RASSF2: variants seen among roughly 807,000 people sequenced by gnomAD.
RASSF2 encodes ras association domain-containing protein 2.
In RASSF2, 34 loss-of-function variants were observed where a neutral mutation model predicts 46.3. The ratio of observed to expected loss-of-function variants is 0.73; its 90% CI spans 0.56 to 0.98. RASSF2 has a LOEUF of 0.98. Among genes scored for constraint, RASSF2 ranks in the 50% least tolerant of loss-of-function variants. The pLI is 0.00. For synonymous variants in RASSF2, 158 were observed against 162.5 expected, an observed-to-expected ratio of 0.97 and a Z score of 0.21; for missense variants, 364 against 431.2, an observed-to-expected ratio of 0.84 and a Z score of 1.38.
intron 2 of RASSF2, among the ~76,000 whole-genome samples, chr20:4,810,926 C>A (rs1460285734): frequency 6.6e-6 from 1 of 152,140 alleles, no homozygotes; most frequent in Non-Finnish European, 1.5e-5. Context: ...CTTGCCAAAG[C>A]CTGGACTGAA....
chr20:4,808,909 A>G (rs142462697), intron 2 of RASSF2, among the ~76,000 whole-genome samples: 1 of 152,352 alleles, frequency 6.6e-6, no homozygotes, highest in African/African-American at 2.4e-5. Flanking sequence ...TAGAAAAAAC[A>G]CTTTAGAAAA....
At chr20:4,817,815 G>GT (rs1328184759) in intron 2 of RASSF2, among the ~76,000 whole-genome samples, 1 of 152,190 alleles carries the variant, frequency 6.6e-6, no homozygotes, top group Non-Finnish European at 1.5e-5. Context: ...CACAGGAAAG[G>GT]TTTTTTGTCA....
intron 1 of RASSF2, among the ~76,000 whole-genome samples, chr20:4,822,796 G>T (rs1342736784): frequency 1.3e-5 from 2 of 152,108 alleles, no homozygotes; most frequent in Admixed American, 1.3e-4. Flanking sequence ...GCCTCCCCGC[G>T]CCGGGGACTG....
intron 2 of RASSF2, among the ~76,000 whole-genome samples, chr20:4,807,512 T>C (rs1927434719): frequency 6.6e-6 from 1 of 152,222 alleles, no homozygotes; most frequent in Admixed American, 6.5e-5. Context: ...CAGTAGTTCA[T>C]GGAAAACTCA....
chr20:4,786,402 T>A, intron 10 of RASSF2, 74 bp from the exon 11 acceptor site: 1 of 1,255,262 alleles, frequency 8.0e-7, no homozygotes, highest in Non-Finnish European at 1.2e-6. Context: ...GTTGTCCTTA[T>A]ACAAGGCACA....
intron 2 of RASSF2, among the ~76,000 whole-genome samples, chr20:4,804,822 G>A (rs1331796021): frequency 1.3e-5 from 2 of 152,184 alleles, no homozygotes; most frequent in African/African-American, 4.8e-5. Context: ...ACATGGTGCA[G>A]GAGGAGGGGG....
chr20:4,809,804 C>G (rs1348519360), intron 2 of RASSF2, among the ~76,000 whole-genome samples: 1 of 152,130 alleles, frequency 6.6e-6, no homozygotes, highest in Non-Finnish European at 1.5e-5. Flanking sequence ...GTGCGTTCAG[C>G]TGGAGCCCAG....
In RASSF2 at chr20:4,786,250, C is replaced by T. The variant is rs1475425824; in HGVS notation, c.892G>A (p.Val298Ile). ...ACTTACTTGCGCATCAGCTTCTTTA[C>T]TTCCCGATCTTCTTCCTCCTGGAGC... ...QKLQEEEDRE[V>I]KKLMRKYTVL... The change falls in exon 11 of 12, where the codon GTA becomes ATA. Residue 298 changes from valine (V) to isoleucine (I), a missense_variant. Transcript: ENST00000379400. 6.2e-7 allele frequency: 1 copy of T among 1,612,632 alleles called. No individual in the cohort carries two copies. The highest frequency in any genetic ancestry group is 1.1e-5 in the South Asian group (1 of 91,058).
chr20:4,786,480 C>G (rs1171380842), intron 10 of RASSF2, 152 bp from the exon 11 acceptor site: 7 of 752,054 alleles, frequency 9.3e-6, no homozygotes, highest in Non-Finnish European at 1.6e-5. Context: ...AAGCCTCATT[C>G]CTCACCAGGG....
rs1340274434 is a variant in RASSF2 at position 4,790,762 on chromosome 20, C to T, written c.377-151G>A. 8 of 588,940 alleles carry T rather than the reference C, an allele frequency of 1.4e-5. No individual in the cohort carries two copies. The highest frequency in any genetic ancestry group is 1.8e-5 in the Non-Finnish European group (7 of 385,562). 36.5% of individuals were successfully genotyped at this position (588,940 alleles called of 1,614,324 possible). On this transcript the variant is annotated intron_variant, in intron 6 of 11. Transcript: ENST00000379400. This position sits in a 1 kb window ranked among gnomAD's most constrained non-coding sequence, Gnocchi z 4.3. ...TTTCTGCTGGGGGAAAAACATAATG[C>T]AGAATTTACAGAGAACCTATACAAG...
intron 2 of RASSF2, among the ~76,000 whole-genome samples, chr20:4,818,136 A>G (rs890597388): frequency 6.6e-6 from 1 of 152,064 alleles, no homozygotes; most frequent in African/African-American, 2.4e-5. Flanking sequence ...GCATGGTGGC[A>G]TGCACCTGTA....
intron 5 of RASSF2, 58 bp from the exon 6 acceptor site, chr20:4,792,685 C>T (rs1459190670): frequency 1.8e-4 from 279 of 1,574,128 alleles, no homozygotes; most frequent in Non-Finnish European, 2.2e-4. Flanking sequence ...TGTGGAGAGA[C>T]GCCCCCGCAC....
At chr20:4,807,539 A>C (rs1231490373) in intron 2 of RASSF2, among the ~76,000 whole-genome samples, 1 of 152,194 alleles carries the variant, frequency 6.6e-6, no homozygotes, top group Non-Finnish European at 1.5e-5. Flanking sequence ...GTAATTAATA[A>C]ATCCATGAAA....
rs193183611 is a variant in RASSF2, at chr20:4,780,637, C to G, written c.*3636G>C. ...CTCATTCTTCACGTCATGGTTTGGC[C>G]GCTGTAAGACACTGAAATTGCCTTG... On this transcript the variant is annotated 3_prime_UTR_variant, in exon 12 of 12. Coordinates refer to ENST00000379400, the MANE Select transcript of RASSF2 (RefSeq NM_014737.3). 2 of 152,152 alleles carry G rather than the reference C, an allele frequency of 1.3e-5. No individual in the cohort carries two copies. Among genetic ancestry groups the G allele is most frequent in the Non-Finnish European group, 2.9e-5 (2 of 68,050 alleles). The allele number at this position is 152,152 out of a possible 1,614,324, so 9.4% of individuals were successfully genotyped here. A position where few individuals can be genotyped will look rare whatever the true frequency, so the allele number is the denominator to read the frequency against.
chr20:4,784,123 A>G lies in RASSF2; in HGVS notation c.*150T>C, dbSNP rs1925071422. ...GATAGGGAGCTGTCTGCTGACTTCTACATCCAGCTCCAGGTAGCAAATGAT... is the reference window on the plus strand; with the variant it reads ...GATAGGGAGCTGTCTGCTGACTTCTGCATCCAGCTCCAGGTAGCAAATGAT... On this transcript the variant is annotated 3_prime_UTR_variant, in exon 12 of 12. Transcript: ENST00000379400. The G allele has an allele frequency of 4.1e-6, 3 of 738,498 alleles. No homozygotes were observed. The East Asian group carries it at 7.8e-5, about 19-fold the overall frequency. The allele number at this position is 738,498 out of a possible 1,614,324, so 45.7% of individuals were successfully genotyped here.
intron 3 of RASSF2, among the ~76,000 whole-genome samples, chr20:4,800,441 C>T (rs1182190097): frequency 2.6e-5 from 4 of 152,150 alleles, no homozygotes; most frequent in Admixed American, 1.3e-4. Context: ...GGAAGTCCAA[C>T]GTCAGGGTAG....
chr20:4,807,681 G>A (rs780352363), intron 2 of RASSF2, among the ~76,000 whole-genome samples: 3 of 152,190 alleles, frequency 2.0e-5, no homozygotes, highest in Non-Finnish European at 2.9e-5. Context: ...TCTCACCAAG[G>A]CCATAGCTAT....
At chr20:4,787,526 G>A (rs1174889900) in intron 10 of RASSF2, 107 bp downstream of exon 10, 36 of 1,395,978 alleles carry the variant, frequency 2.6e-5, no homozygotes, top group Non-Finnish European at 3.4e-5. Context: ...GAAGTAAAAG[G>A]GGGCATGGTC....
rs1025556975 is a variant in RASSF2, at chr20:4,822,389, C to T, written c.-93G>A. Reference sequence around the variant, plus strand: ...CTCCCGAAAAACACGTTCTAGGCGCCGGGATTCCAGATACCTGGGAAATAG... The same window carrying T: ...CTCCCGAAAAACACGTTCTAGGCGCTGGGATTCCAGATACCTGGGAAATAG... On this transcript the variant is annotated 5_prime_UTR_variant, in exon 2 of 12. Coordinates refer to ENST00000379400, the MANE Select transcript of RASSF2 (RefSeq NM_014737.3). 5 of 150,822 alleles carry T rather than the reference C, an allele frequency of 3.3e-5. No homozygotes were observed. Among genetic ancestry groups the T allele is most frequent in the African/African-American group, 4.9e-5 (2 of 40,938 alleles). The allele number at this position is 150,822 out of a possible 1,614,324, so 9.3% of individuals were successfully genotyped here.
Sources: gnomAD v4.1 joint callset for allele counts (sites outside exome capture counted in the v4.1 genomes callset) on GRCh38, gnomAD v4.1.1 for gene constraint, Gnocchi (gnomAD v3.1) non-coding constraint, MANE v1.5 for transcripts, NCBI Gene and HGNC (gene_info 2026-07-23, HGNC 2026-07-21) for gene names.